The following RAPGEF1 variants were observed in gnomAD, a reference collection of about 807,000 sequenced individuals.
RAPGEF1 encodes CRK SH3-binding GNRP.
RAPGEF1 carries 33 observed loss-of-function variants against 143.3 expected under a neutral mutation model. That is an observed-to-expected ratio of 0.23 (90% CI 0.17 to 0.31). The LOEUF (loss-of-function observed/expected upper bound fraction) is 0.31. Ranked by LOEUF, RAPGEF1 falls within the 10% of genes least tolerant of loss-of-function variation. The pLI, the probability that RAPGEF1 is intolerant of heterozygous loss-of-function variation, is 1.00. For missense variants in RAPGEF1, 1,199 were observed against 1,645.4 expected, an observed-to-expected ratio of 0.73 and a Z score of 4.69; for synonymous variants, 629 against 676.5, an observed-to-expected ratio of 0.93 and a Z score of 1.09.
chr9:131,622,576 G>A (rs1961480859), intron 10 of RAPGEF1, among the ~76,000 whole-genome samples: 2 of 152,186 alleles, frequency 1.3e-5, no homozygotes, highest in South Asian at 2.1e-4. Flanking sequence ...TCTCTCTCCA[G>A]GAGTGTCACT....
At chr9:131,606,403 A>C (rs757854518) in intron 12 of RAPGEF1, among the ~76,000 whole-genome samples, 3 of 152,230 alleles carry the variant, frequency 2.0e-5, no homozygotes, top group Non-Finnish European at 4.4e-5. Context: ...AAGTCCTTGC[A>C]GATATGGGTG....
At chr9:131,580,186 GGTGTCCCGGGC>G in intron 26 of RAPGEF1, 66 bp downstream of exon 26, 1 of 1,560,120 alleles carries the variant, frequency 6.4e-7, no homozygotes, top group South Asian at 1.1e-5. Context: ...CCCTCCCCTC[GGTGTCCCGGGC>G]TGTCTCTCCT....
chr9:131,708,813 C>G (rs551620900), intron 1 of RAPGEF1, among the ~76,000 whole-genome samples: 156 of 152,132 alleles, frequency 1.0e-3, no homozygotes, highest in African/African-American at 3.6e-3. Flanking sequence ...CTACTGTAAC[C>G]TCCACATTCT....
chr9:131,624,102 C>T (rs988508113), intron 10 of RAPGEF1, among the ~76,000 whole-genome samples: 32 of 152,194 alleles, frequency 2.1e-4, no homozygotes, highest in African/African-American at 7.7e-4. Context: ...ATCTCTTCCT[C>T]CTCGGCTTGG....
At chr9:131,634,338 T>C (rs552691711) in intron 5 of RAPGEF1, among the ~76,000 whole-genome samples, 56 of 152,310 alleles carry the variant, frequency 3.7e-4, no homozygotes, top group African/African-American at 1.2e-3. Context: ...AAATCAGTTT[T>C]CAAAAGTCAA....
chr9:131,683,101 C>A (rs887160595), intron 1 of RAPGEF1, among the ~76,000 whole-genome samples: 1 of 152,114 alleles, frequency 6.6e-6, no homozygotes, highest in South Asian at 2.1e-4. Flanking sequence ...ACATACAATG[C>A]ATGAATTGGG....
intron 5 of RAPGEF1, among the ~76,000 whole-genome samples, chr9:131,634,331 T>C (rs1044930176): frequency 1.3e-5 from 2 of 152,052 alleles, no homozygotes; most frequent in African/African-American, 4.8e-5. Context: ...TCACTGAAAA[T>C]CAGTTTTCAA....
Position 131,629,238 on chromosome 9 carries a change from G to C in RAPGEF1, c.757C>G (p.Leu253Val). Residue 253 changes from leucine (L) to valine (V), a missense_variant, in exon 7 of 27, where the codon CTG (leucine) becomes GTG (valine). Leu to Val is a conservative substitution (Grantham distance 32, BLOSUM62 1). This residue lies in a region of RAPGEF1 where 613 missense variants were observed against 710.9 expected (regional missense o/e 0.86). Transcript: ENST00000683357. ...SKPDGPAELP[L>V]TDREVEILNK... ...AGGATCTCTACCTCGCGGTCTGTCA[G>C]GGGGAGCTCTGCTGGGCTGGAGAAT... The C allele has an allele frequency of 1.9e-6, 3 of 1,613,816 alleles. No homozygotes were observed. The highest frequency in any genetic ancestry group is 1.3e-5 in the African/African-American group (1 of 75,034).
At chr9:131,716,846 G>A (rs1835897822) in intron 1 of RAPGEF1, among the ~76,000 whole-genome samples, 1 of 152,178 alleles carries the variant, frequency 6.6e-6, no homozygotes, top group Non-Finnish European at 1.5e-5. Context: ...TACGTGGATT[G>A]GCATTCAAGG....
chr9:131,652,577 C>T (rs1322186602), intron 1 of RAPGEF1, among the ~76,000 whole-genome samples: 1 of 152,028 alleles, frequency 6.6e-6, no homozygotes, highest in Non-Finnish European at 1.5e-5. Flanking sequence ...GACAGACACA[C>T]ATTAATCAGC....
intron 26 of RAPGEF1, 38 bp from the exon 27 acceptor site, chr9:131,579,685 T>C (rs1427223427): frequency 6.2e-7 from 1 of 1,606,526 alleles, no homozygotes; most frequent in Non-Finnish European, 8.5e-7. Context: ...TGAGCACCTG[T>C]GTGGGCTGGA....
chr9:131,609,258 CAATT>C (rs1379024382), intron 12 of RAPGEF1, among the ~76,000 whole-genome samples: 1 of 152,146 alleles, frequency 6.6e-6, no homozygotes, highest in Non-Finnish European at 1.5e-5. Context: ...CGGATCATCT[CAATT>C]AACGTACACA....
At chr9:131,598,855 C>T (rs375572172) in intron 15 of RAPGEF1, among the ~76,000 whole-genome samples, 11 of 145,186 alleles carry the variant, frequency 7.6e-5, no homozygotes, top group South Asian at 2.2e-4. Context: ...GACGGAGTCT[C>T]GCTCTGTCAC....
intron 1 of RAPGEF1, among the ~76,000 whole-genome samples, chr9:131,685,792 C>T (rs564312299): frequency 7.1e-4 from 108 of 152,244 alleles, no homozygotes; most frequent in South Asian, 2.1e-3. Flanking sequence ...AGGGTCTCCC[C>T]GACCTAGCTG....
Position 131,584,444 on chromosome 9 carries a change from G to A in RAPGEF1, c.3313-32C>T. 6.2e-7 allele frequency: 1 copy of A among 1,613,384 alleles called. No homozygotes were observed. The highest frequency in any genetic ancestry group is 1.3e-5 in the African/African-American group (1 of 75,054). ...AGAGAGGGGCGGTGCCGTGAGGCAG[G>A]AGGGCAGGCGGGTCCCGGGCTCCCA... is the stretch of plus-strand genomic sequence containing the variant. On this transcript the variant is annotated intron_variant, in intron 23 of 26. Coordinates refer to ENST00000683357, the MANE Select transcript of RAPGEF1 (RefSeq NM_001377935.1). The surrounding 1 kb of genome is among the most constrained non-coding windows in gnomAD (Gnocchi z 6.8).
rs1416474207 is a variant in RAPGEF1 at position 131,584,870 on chromosome 9, G to A, written c.3234-274C>T. Among the ~76,000 whole-genome samples, 5 of 152,234 alleles carry A rather than the reference G, an allele frequency of 3.3e-5. No individual in the cohort carries two copies. Among genetic ancestry groups the A allele is most frequent in the African/African-American group, 1.2e-4 (5 of 41,460 alleles). On this transcript the variant is annotated intron_variant, in intron 22 of 26. Coordinates refer to ENST00000683357, the MANE Select transcript of RAPGEF1 (RefSeq NM_001377935.1). The surrounding 1 kb of genome is among the most constrained non-coding windows in gnomAD (Gnocchi z 6.8). ...GCCCAAAGGGGGCTTCGAATCTGCAGGTGGAGCATGGGAGGATGAAAGCAG... is the reference window on the plus strand; with the variant it reads ...GCCCAAAGGGGGCTTCGAATCTGCAAGTGGAGCATGGGAGGATGAAAGCAG...
At position 131,577,864 on chromosome 9, in the gene RAPGEF1, C is replaced by T. The variant is rs559079886; in HGVS notation, c.*1633G>A. The T allele has an allele frequency of 3.3e-5, 5 of 152,308 alleles. No homozygotes were observed. The South Asian group carries it at 1.0e-3, about 32-fold the overall frequency. The allele number at this position is 152,308 out of a possible 1,614,324, so 9.4% of individuals were successfully genotyped here. Reference sequence around the variant, plus strand: ...TGCACGGCTTTCCTCCCTCTATCTACAGGACAAACAAAACACGGGAGAGGG... The same window carrying T: ...TGCACGGCTTTCCTCCCTCTATCTATAGGACAAACAAAACACGGGAGAGGG... On this transcript the variant is annotated 3_prime_UTR_variant, in exon 27 of 27. Transcript: ENST00000683357.
intron 1 of RAPGEF1, among the ~76,000 whole-genome samples, chr9:131,657,519 G>A (rs188142493): frequency 1.1e-4 from 16 of 152,300 alleles, no homozygotes; most frequent in African/African-American, 3.8e-4. Flanking sequence ...AAGTTATAGA[G>A]AATGAATCAA....
At chr9:131,679,592 C>T (rs1588984112) in intron 1 of RAPGEF1, among the ~76,000 whole-genome samples, 2 of 152,208 alleles carry the variant, frequency 1.3e-5, no homozygotes, top group Admixed American at 1.3e-4. Context: ...TTAGTGGCTT[C>T]CAACACACAT....
Sources: gnomAD v4.1 joint callset for allele counts (sites outside exome capture counted in the v4.1 genomes callset) on GRCh38, gnomAD v4.1.1 for gene constraint, gnomAD v4.1.1 regional missense constraint, Gnocchi (gnomAD v3.1) non-coding constraint, MANE v1.5 for transcripts, NCBI Gene and HGNC (gene_info 2026-07-23, HGNC 2026-07-21) for gene names.